Variants in AAGAB observed in about 807,000 individuals in gnomAD.
The protein encoded by AAGAB is alpha- and gamma-adaptin-binding protein p34.
Under a neutral mutation model 44.1 loss-of-function variants are expected in AAGAB, and 38 were observed. That is an observed-to-expected ratio of 0.86 (90% CI 0.67 to 1.13). AAGAB has a LOEUF of 1.13. Among genes scored for constraint, AAGAB ranks in the 50% most tolerant of loss-of-function variants. AAGAB has a pLI of 0.00. For missense variants in AAGAB, 450 were observed against 373.8 expected (o/e 1.20, Z -1.68); for synonymous variants, 131 against 131.8 (o/e 0.99, Z 0.04).
intron 5 of AAGAB, among the ~76,000 whole-genome samples, chr15:67,214,198 T>C (rs1404524143): frequency 1.0e-5 from 1 of 96,640 alleles, no homozygotes; most frequent in Non-Finnish European, 2.5e-5. Context: ...TATAGTTCTC[T>C]TTTGTCAGTA....
chr15:67,253,274 G>A (rs964290250), intron 1 of AAGAB, among the ~76,000 whole-genome samples: 1 of 122,222 alleles, frequency 8.2e-6, no homozygotes, highest in African/African-American at 3.3e-5. Context: ...GGGGGGGGGG[G>A]GCAATTAGCC....
intron 1 of AAGAB, among the ~76,000 whole-genome samples, chr15:67,250,940 T>C (rs1964851864): frequency 1.3e-5 from 2 of 152,214 alleles, no homozygotes; most frequent in South Asian, 4.1e-4. Context: ...GGCAGGAGAA[T>C]GGCGCGAGCC....
At chr15:67,248,354 G>A (rs946299257) in intron 1 of AAGAB, among the ~76,000 whole-genome samples, 3 of 152,062 alleles carry the variant, frequency 2.0e-5, no homozygotes, top group African/African-American at 4.8e-5. Flanking sequence ...ACATCTTGCT[G>A]GCCCAATCTT....
chr15:67,245,539 T>C (rs1254893820), intron 1 of AAGAB, among the ~76,000 whole-genome samples: 1 of 152,212 alleles, frequency 6.6e-6, no homozygotes, highest in Non-Finnish European at 1.5e-5. Context: ...AATCAGATTG[T>C]AATGATGGTT....
intron 1 of AAGAB, among the ~76,000 whole-genome samples, chr15:67,252,051 A>G (rs1259403265): frequency 6.6e-6 from 1 of 152,200 alleles, no homozygotes; most frequent in Non-Finnish European, 1.5e-5. Context: ...CTTAACCCGA[A>G]CTGGAATTAT....
At position 67,236,412 on chromosome 15, in the gene AAGAB, T is replaced by C. The variant is rs751937153; in HGVS notation, c.357A>G (p.Glu119=). The C allele has an allele frequency of 3.7e-6, 6 of 1,614,014 alleles. No homozygotes were observed. The highest frequency in any genetic ancestry group is 5.1e-6 in the Non-Finnish European group (6 of 1,179,906). Residue 119 remains glutamate (E), a synonymous_variant, in exon 3 of 10, where the codon GAA becomes GAG. Transcript: ENST00000261880. ...VMILVCDRVS[E]DGINRQKAQE... is the part of the protein sequence containing the mutation. ...TGTCCCATCCACAGGCCTTACCATC[T>C]TCAGACACTCTATCGCAGACCAAGA...
intron 5 of AAGAB, among the ~76,000 whole-genome samples, chr15:67,215,943 G>A (rs1963934734): frequency 6.6e-6 from 1 of 152,092 alleles, no homozygotes; most frequent in African/African-American, 2.4e-5. Context: ...ACCGTACCTG[G>A]TTCTACCACC....
chr15:67,248,619 T>C (rs539646270), intron 1 of AAGAB, among the ~76,000 whole-genome samples: 2 of 152,306 alleles, frequency 1.3e-5, no homozygotes, highest in South Asian at 4.1e-4. Context: ...ATAACAATGT[T>C]CTCTTTAGTA....
intron 1 of AAGAB, among the ~76,000 whole-genome samples, chr15:67,245,883 G>C (rs757698580): frequency 6.6e-6 from 1 of 152,100 alleles, no homozygotes; most frequent in Non-Finnish European, 1.5e-5. Flanking sequence ...AGACAGAACA[G>C]CCACCCTGTT....
At chr15:67,208,092 C>T (rs1963725927) in intron 7 of AAGAB, among the ~76,000 whole-genome samples, 1 of 152,156 alleles carries the variant, frequency 6.6e-6, no homozygotes, top group African/African-American at 2.4e-5. Context: ...GCTCCAGGCC[C>T]TTCTTGCTAG....
chr15:67,204,194 G>A, intron 7 of AAGAB, 46 bp from the exon 8 acceptor site: 1 of 1,327,350 alleles, frequency 7.5e-7, no homozygotes, highest in Non-Finnish European at 1.1e-6. Context: ...ATTTGCATAT[G>A]TGCTACACTC....
intron 7 of AAGAB, 105 bp downstream of exon 7, chr15:67,208,457 T>TC: frequency 2.1e-6 from 2 of 941,020 alleles, no homozygotes; most frequent in African/African-American, 1.6e-5. Flanking sequence ...CCAATTTTTT[T>TC]CCCTTCTCTG....
intron 5 of AAGAB, among the ~76,000 whole-genome samples, chr15:67,210,234 G>C (rs8034421): frequency 1.3e-5 from 2 of 152,068 alleles, no homozygotes; most frequent in African/African-American, 4.8e-5. Context: ...AAAAGTTCTA[G>C]GGCTGGGAGC....
intron 9 of AAGAB, among the ~76,000 whole-genome samples, chr15:67,203,276 A>C (rs562332079): frequency 2.0e-5 from 3 of 152,326 alleles, no homozygotes; most frequent in Admixed American, 6.5e-5. Context: ...AATAAAACAA[A>C]ACAACTAAGA....
intron 1 of AAGAB, among the ~76,000 whole-genome samples, chr15:67,243,452 G>T (rs752872793): frequency 1.3e-5 from 2 of 152,124 alleles, no homozygotes; most frequent in Non-Finnish European, 2.9e-5. Flanking sequence ...GGTTCTCTAT[G>T]GGGATGTGAT....
intron 5 of AAGAB, among the ~76,000 whole-genome samples, chr15:67,228,731 C>T (rs1964263597): frequency 6.6e-6 from 1 of 152,130 alleles, no homozygotes; most frequent in East Asian, 1.9e-4. Context: ...ACCTACATGC[C>T]CATCAACAGT....
chr15:67,253,291 G>A (rs1433119563), intron 1 of AAGAB, among the ~76,000 whole-genome samples: 1 of 150,272 alleles, frequency 6.7e-6, no homozygotes, highest in Admixed American at 6.6e-5. Flanking sequence ...AGCCGGGCGT[G>A]GTGGCACACA....
intron 1 of AAGAB, among the ~76,000 whole-genome samples, chr15:67,251,979 C>T (rs747588537): frequency 6.6e-6 from 1 of 152,178 alleles, no homozygotes; most frequent in Non-Finnish European, 1.5e-5. Flanking sequence ...TGCTCACTAG[C>T]TGTTCTTCTT....
intron 5 of AAGAB, among the ~76,000 whole-genome samples, chr15:67,222,719 T>C (rs1390190565): frequency 6.6e-6 from 1 of 152,112 alleles, no homozygotes; most frequent in African/African-American, 2.4e-5. Context: ...TCCTACTTCA[T>C]CCATTTTTCA....
Sources: allele counts gnomAD v4.1 joint callset (sites outside exome capture counted in the v4.1 genomes callset), GRCh38; gene constraint gnomAD v4.1.1; transcripts MANE v1.5; gene names NCBI Gene and HGNC (gene_info 2026-07-23, HGNC 2026-07-21).